ZMYM2: variants seen among roughly 807,000 people sequenced by gnomAD.
ZMYM2 encodes the protein zinc finger MYM-type protein 2.
ZMYM2 carries 56 observed loss-of-function variants against 162.8 expected under a neutral mutation model. The ratio of observed to expected loss-of-function variants is 0.34; its 90% CI spans 0.28 to 0.43. The LOEUF is 0.43. Among genes scored for constraint, ZMYM2 ranks in the 20% least tolerant of loss-of-function variants. The pLI, the probability that ZMYM2 is intolerant of heterozygous loss-of-function variation, is 1.00. For missense variants in ZMYM2, 1,275 were observed against 1,621.8 expected, an observed-to-expected ratio of 0.79 and a Z score of 3.67; for synonymous variants, 510 against 541.6, an observed-to-expected ratio of 0.94 and a Z score of 0.81.
intron 1 of ZMYM2, among the ~76,000 whole-genome samples, chr13:19,959,151 G>C (rs181862706): frequency 0.1 from 15,190 of 148,594 alleles, 1,288 homozygotes; most frequent in African/African-American, 0.22. Flanking sequence ...GCGGCCGCCA[G>C]CGGCGGGGGT....
chr13:20,081,950 A>T (rs1036872942), intron 21 of ZMYM2, 66 bp from the exon 22 acceptor site: 8 of 971,758 alleles, frequency 8.2e-6, no homozygotes, highest in African/African-American at 5.2e-5. Context: ...ACGGAGTGTA[A>T]TATGTTTACT....
At position 20,051,404 on chromosome 13, in the gene ZMYM2, A is replaced by G. The variant is rs774414538; in HGVS notation, c.2293-29A>G. 2.6e-5 allele frequency: 41 copies of G among 1,595,362 alleles called. No homozygotes were observed. The South Asian group carries it at 4.3e-4, about 17-fold the overall frequency. Reference sequence around the variant, plus strand: ...TGGAAATCTTCAAAAATAATTTGCAATATCTGAAACCTTCCTTTTTAAATT... The same window carrying G: ...TGGAAATCTTCAAAAATAATTTGCAGTATCTGAAACCTTCCTTTTTAAATT... On this transcript the variant is annotated intron_variant, in intron 12 of 24. Coordinates refer to ENST00000610343, the MANE Select transcript of ZMYM2 (RefSeq NM_197968.4).
intron 14 of ZMYM2, 77 bp from the exon 15 acceptor site, chr13:20,058,498 G>A (rs1955980941): frequency 6.6e-7 from 1 of 1,514,978 alleles, no homozygotes; most frequent in South Asian, 1.3e-5. Flanking sequence ...TCTTAGGACT[G>A]AAAATCCTTC....
the ZMYM2 span, among the ~76,000 whole-genome samples, chr13:19,899,663 A>G: frequency 1.3e-5 from 2 of 151,750 alleles, no homozygotes; most frequent in African/African-American, 2.4e-5. Context: ...TAAAAATACA[A>G]AAAATTATCG....
At chr13:20,074,056 C>CT (rs1381086703) in intron 21 of ZMYM2, among the ~76,000 whole-genome samples, 1 of 152,096 alleles carries the variant, frequency 6.6e-6, no homozygotes, top group East Asian at 1.9e-4. Flanking sequence ...CACTTTTCTA[C>CT]TTTCTATCTC....
At chr13:19,870,566 CCTTCCTT>C in the ZMYM2 span, among the ~76,000 whole-genome samples, 1 of 135,042 alleles carries the variant, frequency 7.4e-6, no homozygotes, top group African/African-American at 2.9e-5. Flanking sequence ...TTCCTTCCTT[CCTTCCTT>C]CTTTCCTTTC....
the ZMYM2 span, among the ~76,000 whole-genome samples, chr13:19,931,148 A>AAAG: frequency 6.8e-6 from 1 of 146,906 alleles, no homozygotes; most frequent in Non-Finnish European, 1.5e-5. Flanking sequence ...CAAAAAAAAA[A>AAAG]ATAATAATAA....
chr13:19,930,538 TATCTA>T, the ZMYM2 span, among the ~76,000 whole-genome samples: 1 of 151,772 alleles, frequency 6.6e-6, no homozygotes, highest in Non-Finnish European at 1.5e-5. Context: ...CCCTCTTATT[TATCTA>T]TTTATTTGTT....
chr13:20,004,044 A>G (rs1232387688), intron 4 of ZMYM2, among the ~76,000 whole-genome samples: 3 of 152,156 alleles, frequency 2.0e-5, no homozygotes, highest in East Asian at 1.9e-4. Context: ...TTTCTGTACC[A>G]TATCTTGGAG....
chr13:19,873,830 G>A, the ZMYM2 span, among the ~76,000 whole-genome samples: 104 of 152,294 alleles, frequency 6.8e-4, no homozygotes, highest in South Asian at 0.018. Context: ...AAGGCAGAAA[G>A]GTACAGCTGG....
chr13:19,960,795 G>T (rs562405968), intron 2 of ZMYM2, among the ~76,000 whole-genome samples: 2 of 152,340 alleles, frequency 1.3e-5, no homozygotes, highest in African/African-American at 4.8e-5. Context: ...GAAACTAAAA[G>T]TATCTGAAGT....
At chr13:20,020,700 T>G (rs917538204) in intron 7 of ZMYM2, among the ~76,000 whole-genome samples, 29 of 152,066 alleles carry the variant, frequency 1.9e-4, no homozygotes, top group African/African-American at 6.5e-4. Flanking sequence ...TGCATTGTGG[T>G]TTGTATTTGT....
Position 19,991,042 on chromosome 13 carries a change from TTC to T in ZMYM2, c.-10-2015_-10-2014del, listed in dbSNP as rs1175206131. Among the ~76,000 whole-genome samples, 922 of 88,858 alleles carry T rather than the reference TTC, an allele frequency of 0.01. 14 individuals carry two copies. The East Asian group carries it at 0.11, about 10-fold the overall frequency. 58.3% of individuals were successfully genotyped at this position (88,858 alleles called of 152,430 possible). A position where few individuals can be genotyped will look rare whatever the true frequency, so the allele number is the denominator to read the frequency against. On this transcript the variant is annotated intron_variant, in intron 2 of 24. Coordinates refer to ENST00000610343, the MANE Select transcript of ZMYM2 (RefSeq NM_197968.4). ...GCTCAGTAACTTTGTCCTAGAAATT[TTC>T]TCTCTGTGTGTGTGTGTGTGTACGT...
the ZMYM2 span, among the ~76,000 whole-genome samples, chr13:19,946,331 C>T: frequency 6.6e-6 from 1 of 152,226 alleles, no homozygotes; most frequent in Non-Finnish European, 1.5e-5. Flanking sequence ...GGCCACCCCG[C>T]CTGCTCTTGA....
chr13:19,983,236 C>T (rs999247639), intron 2 of ZMYM2, among the ~76,000 whole-genome samples: 31 of 151,960 alleles, frequency 2.0e-4, no homozygotes, highest in African/African-American at 7.0e-4. Flanking sequence ...CCTTTGCCTC[C>T]CACATTCAAG....
At chr13:19,875,579 G>C in the ZMYM2 span, among the ~76,000 whole-genome samples, 1 of 115,088 alleles carries the variant, frequency 8.7e-6, no homozygotes, top group East Asian at 2.9e-4. Flanking sequence ...AGTGAGCCAA[G>C]ATCACACCAC....
chr13:19,901,960 T>G, the ZMYM2 span, among the ~76,000 whole-genome samples: 2 of 152,036 alleles, frequency 1.3e-5, no homozygotes, highest in African/African-American at 4.8e-5. Flanking sequence ...CTGGCTAACT[T>G]TAAAATTTTT....
chr13:19,974,637 G>A (rs554401377), intron 2 of ZMYM2, among the ~76,000 whole-genome samples: 31 of 151,892 alleles, frequency 2.0e-4, no homozygotes, highest in African/African-American at 7.0e-4. Flanking sequence ...ACACCCGGCT[G>A]ATTTTTGTAT....
chr13:19,903,156 C>A, the ZMYM2 span, among the ~76,000 whole-genome samples: 3 of 151,954 alleles, frequency 2.0e-5, no homozygotes, highest in Non-Finnish European at 4.4e-5. Flanking sequence ...AACTCGGTCT[C>A]AACAATAATA....
Sources: gnomAD v4.1 joint callset for allele counts (sites outside exome capture counted in the v4.1 genomes callset) on GRCh38, gnomAD v4.1.1 for gene constraint, MANE v1.5 for transcripts, NCBI Gene and HGNC (gene_info 2026-07-23, HGNC 2026-07-21) for gene names.